The following CSMD3 variants were observed in gnomAD, a reference collection of about 807,000 sequenced individuals.
The protein encoded by CSMD3 is CUB and sushi domain-containing protein 3.
Under a neutral mutation model 435.2 loss-of-function variants are expected in CSMD3, and 177 were observed. The observed-to-expected ratio is 0.41, with a 90% CI of 0.36 to 0.46. The LOEUF is 0.46. Among genes scored for constraint, CSMD3 ranks in the 20% least tolerant of loss-of-function variants. The pLI, the probability that CSMD3 is intolerant of heterozygous loss-of-function variation, is 0.34. For synonymous variants in CSMD3, 1,656 were observed against 1,520.5 expected, an observed-to-expected ratio of 1.09 and a Z score of -2.07; for missense variants, 4,265 against 4,504.6, an observed-to-expected ratio of 0.95 and a Z score of 1.52.
rs752264484 is a variant in CSMD3 at position 112,406,608 on chromosome 8, T to A, written c.5725A>T (p.Ile1909Phe). Residue 1909 changes from isoleucine to phenylalanine, a missense_variant, in exon 35 of 71, where the codon ATT becomes TTT. This residue lies in a region of CSMD3 where 3,255 missense variants were observed against 3,380.2 expected (regional missense o/e 0.96). Transcript: ENST00000297405. ...SVLFDCNPGY[I>F]LHGSIAIRCE... ...CTAATTGCTATGGATCCATGGAGAA[T>A]ATATCCTGGATTACAATCAAAAAGA... 19 of 1,612,822 alleles carry A rather than the reference T, an allele frequency of 1.2e-5. No homozygotes were observed. The highest frequency in any genetic ancestry group is 2.7e-5 in the African/African-American group (2 of 74,888).
intron 3 of CSMD3, among the ~76,000 whole-genome samples, chr8:113,233,281 T>C (rs904399585): frequency 6.6e-6 from 1 of 151,454 alleles, no homozygotes; most frequent in African/African-American, 2.4e-5. Flanking sequence ...TGATTATTTC[T>C]AAACAATATC....
intron 23 of CSMD3, among the ~76,000 whole-genome samples, chr8:112,576,110 C>A (rs1038658033): frequency 2.6e-5 from 4 of 151,968 alleles, no homozygotes; most frequent in African/African-American, 9.7e-5. Context: ...TGTGTGGATA[C>A]ATTGTAAGAA....
At position 112,390,759 on chromosome 8, in the gene CSMD3, T is replaced by G. The variant is rs1340706792; in HGVS notation, c.5839A>C (p.Lys1947Gln). Residue 1947 changes from lysine (K) to glutamine (Q), a missense_variant, in exon 36 of 71, where the codon AAA becomes CAA. This residue lies in a region of CSMD3 where 3,255 missense variants were observed against 3,380.2 expected (regional missense o/e 0.96). Coordinates refer to ENST00000297405, the MANE Select transcript of CSMD3 (RefSeq NM_198123.2). ...VPCGGILTKR[K>Q]GTILSPGYPE... ...TATCCAGGTGACAAAATAGTCCCTT[T>G]GCGCTTAGTTAAAATTCCACCACAG... The G allele has an allele frequency of 2.5e-6, 4 of 1,613,588 alleles. No homozygotes were observed. Among genetic ancestry groups the G allele is most frequent in the Non-Finnish European group, 3.4e-6 (4 of 1,179,616 alleles).
chr8:112,965,429 T>C (rs961219156), intron 7 of CSMD3, among the ~76,000 whole-genome samples: 2 of 151,868 alleles, frequency 1.3e-5, no homozygotes, highest in Non-Finnish European at 2.9e-5. Flanking sequence ...TAACAAGATA[T>C]CTGATTAACG....
intron 4 of CSMD3, among the ~76,000 whole-genome samples, chr8:113,123,282 T>C (rs1176664851): frequency 2.0e-5 from 3 of 152,070 alleles, no homozygotes; most frequent in Admixed American, 1.3e-4. Context: ...TAAGCCAAAA[T>C]ATATTTGACA....
Position 112,975,937 on chromosome 8 carries a change from C to T in CSMD3, c.1242G>A (p.Gly414=), listed in dbSNP as rs1379793333. The stretch of plus-strand genomic sequence containing the variant: ...GTGTATCTGCTGGATGAGGAGAGAG[C>T]CCGTCCTTGGACGTGTTGGGGTCCA... ...SGLDPNTSKD[G]LSPHPADTQS... Residue 414 remains glycine (G), a synonymous_variant, in exon 7 of 71, where the codon GGG becomes GGA. Transcript: ENST00000297405. The T allele has an allele frequency of 6.2e-7, 1 of 1,614,002 alleles. No individual in the cohort carries two copies. Among genetic ancestry groups the T allele is most frequent in the Non-Finnish European group, 8.5e-7 (1 of 1,179,950 alleles).
chr8:112,305,716 G>A (rs1174559015), intron 51 of CSMD3, among the ~76,000 whole-genome samples: 1 of 151,984 alleles, frequency 6.6e-6, no homozygotes, highest in Non-Finnish European at 1.5e-5. Context: ...GCCATGTACT[G>A]AAAACACATG....
At chr8:112,478,074 C>T (rs906589110) in intron 31 of CSMD3, among the ~76,000 whole-genome samples, 1 of 152,140 alleles carries the variant, frequency 6.6e-6, no homozygotes, top group Non-Finnish European at 1.5e-5. Flanking sequence ...GCCCTGCAGC[C>T]GTCCACGTAA....
At chr8:112,733,984 A>G (rs578084784) in intron 13 of CSMD3, among the ~76,000 whole-genome samples, 45 of 151,962 alleles carry the variant, frequency 3.0e-4, no homozygotes, top group Non-Finnish European at 5.5e-4. Context: ...TTATCCTCCA[A>G]GGGTTTTCTT....
chr8:112,404,851 A>C (rs1025241604), intron 35 of CSMD3, among the ~76,000 whole-genome samples: 8 of 151,856 alleles, frequency 5.3e-5, no homozygotes, highest in African/African-American at 1.9e-4. Context: ...AACAAAAATA[A>C]AACAAAAATT....
intron 10 of CSMD3, among the ~76,000 whole-genome samples, chr8:112,898,211 T>C (rs886085181): frequency 6.6e-6 from 1 of 151,228 alleles, no homozygotes; most frequent in African/African-American, 2.4e-5. Context: ...ACATCCTTTC[T>C]AGTGCTTGAA....
intron 27 of CSMD3, among the ~76,000 whole-genome samples, chr8:112,522,693 T>C (rs1824422854): frequency 6.6e-6 from 1 of 151,938 alleles, no homozygotes; most frequent in East Asian, 1.9e-4. Flanking sequence ...CATAACAATA[T>C]TTACATTACA....
At chr8:112,638,340 T>G (rs2074722742) in intron 21 of CSMD3, among the ~76,000 whole-genome samples, 1 of 151,042 alleles carries the variant, frequency 6.6e-6, no homozygotes. Flanking sequence ...TGAGTTTAAC[T>G]GAAACTTTAA....
chr8:112,783,486 AGAAGGGAGGGAGGGAGGGAG>A (rs2078453059), intron 13 of CSMD3, among the ~76,000 whole-genome samples: 1 of 55,164 alleles, frequency 1.8e-5, no homozygotes, highest in Non-Finnish European at 3.6e-5. Flanking sequence ...AGGAAGGGAG[AGAAGGGAGGGAGGGAGGGAG>A]GAAGGGAGGG....
intron 12 of CSMD3, among the ~76,000 whole-genome samples, chr8:112,804,357 C>T (rs2079030114): frequency 6.6e-6 from 1 of 152,000 alleles, no homozygotes; most frequent in African/African-American, 2.4e-5. Context: ...TGTTAATTAT[C>T]CAGTAAGAAC....
chr8:112,871,382 A>G (rs1467812811), intron 10 of CSMD3, among the ~76,000 whole-genome samples: 1 of 152,226 alleles, frequency 6.6e-6, no homozygotes, highest in African/African-American at 2.4e-5. Context: ...CTAGGAAGAA[A>G]GAAAATACCC....
intron 4 of CSMD3, among the ~76,000 whole-genome samples, chr8:113,167,120 A>C (rs1455640710): frequency 6.6e-6 from 1 of 152,084 alleles, no homozygotes; most frequent in Non-Finnish European, 1.5e-5. Context: ...AGAGTTCTTG[A>C]CTATCTTAGT....
chr8:113,244,580 T>C (rs1032456533), intron 3 of CSMD3, among the ~76,000 whole-genome samples: 3 of 152,062 alleles, frequency 2.0e-5, no homozygotes, highest in Non-Finnish European at 4.4e-5. Context: ...TCCCAAAGTG[T>C]TGGGATTACA....
chr8:112,433,407 G>A (rs1169182427), intron 32 of CSMD3, among the ~76,000 whole-genome samples: 1 of 150,878 alleles, frequency 6.6e-6, no homozygotes. Context: ...TGTAATCCCA[G>A]TACTTTGTGA....
Sources: gnomAD v4.1 joint callset for allele counts (sites outside exome capture counted in the v4.1 genomes callset) on GRCh38, gnomAD v4.1.1 for gene constraint, gnomAD v4.1.1 regional missense constraint, MANE v1.5 for transcripts, NCBI Gene and HGNC (gene_info 2026-07-23, HGNC 2026-07-21) for gene names.